The following KNG1 variants were observed in gnomAD, a reference collection of about 807,000 sequenced individuals.
KNG1 encodes the protein kininogen 1.
In KNG1, 23 loss-of-function variants were observed where a neutral mutation model predicts 47.8. The ratio of observed to expected loss-of-function variants is 0.48; its 90% confidence interval spans 0.35 to 0.68. KNG1 has a LOEUF of 0.68. KNG1 is among the 30% of genes least tolerant of loss of function. KNG1 has a pLI of 0.01. For synonymous variants in KNG1, 277 were observed against 277.0 expected (o/e 1.00, Z 0.00); for missense variants, 762 against 790.2 (o/e 0.96, Z 0.43).
chr3:186,736,275 G>A (rs908572629), intron 7 of KNG1: 1 of 152,102 alleles, frequency 6.6e-6, no homozygotes, highest in Non-Finnish European at 1.5e-5. Flanking sequence ...AGTCACCCAA[G>A]GCAGCCTTGA....
chr3:186,722,161 G>T, intron 2 of KNG1: 7 of 233,814 alleles, frequency 3.0e-5, no homozygotes, highest in Non-Finnish European at 4.8e-5. Flanking sequence ...AAAGAAAAAA[G>T]AAATACCCTC....
At chr3:186,720,853 G>A (rs556141599) in intron 2 of KNG1, among the ~76,000 whole-genome samples, 4 of 143,466 alleles carry the variant, frequency 2.8e-5, no homozygotes, top group South Asian at 4.6e-4. Context: ...GCAGTGGCGC[G>A]ATCTCGGCTC....
rs76438938 is a variant in KNG1, at chr3:186,743,735, C to A, written c.*1404C>A. Reference sequence around the variant, plus strand: ...CCTAAGGTCCTGCGAGTACAAGGGTCGACCCCCAAAGGCAGGGGCAGAGCC... The same window carrying A: ...CCTAAGGTCCTGCGAGTACAAGGGTAGACCCCCAAAGGCAGGGGCAGAGCC... On this transcript the variant is annotated 3_prime_UTR_variant, in exon 10 of 10. Coordinates refer to ENST00000644859, the MANE Select transcript of KNG1 (RefSeq NM_001102416.3). The A allele has an allele frequency of 1.9e-6, 3 of 1,613,778 alleles. No individual in the cohort carries two copies. The highest frequency in any genetic ancestry group is 2.7e-5 in the African/African-American group (2 of 74,910).
chr3:186,733,585 T>A (rs1720596525), intron 7 of KNG1, among the ~76,000 whole-genome samples: 1 of 152,158 alleles, frequency 6.6e-6, no homozygotes, highest in Non-Finnish European at 1.5e-5. Context: ...CCATAGCATC[T>A]GCCGCTCACA....
At chr3:186,736,105 A>C (rs1720665056) in intron 7 of KNG1, 1 of 152,360 alleles carries the variant, frequency 6.6e-6, no homozygotes, top group Non-Finnish European at 1.5e-5. Flanking sequence ...TCTAGTATGC[A>C]TATGTGTCTA....
intron 4 of KNG1, 38 bp from the exon 5 acceptor site, chr3:186,727,198 TA>T: frequency 5.1e-6 from 7 of 1,375,048 alleles, no homozygotes; most frequent in Non-Finnish European, 7.3e-6. Context: ...GAATAATGTT[TA>T]AACTGCCCTT....
chr3:186,720,467 G>A (rs930499514), intron 2 of KNG1: 14 of 500,722 alleles, frequency 2.8e-5, no homozygotes, highest in African/African-American at 2.5e-4. Flanking sequence ...GCCAGAACAT[G>A]TGGCTCAGAC....
chr3:186,720,650 G>A (rs569243402), intron 2 of KNG1: 1 of 240,068 alleles, frequency 4.2e-6, no homozygotes, highest in Admixed American at 5.1e-5. Flanking sequence ...CTGTATATGG[G>A]AGATAATATT....
chr3:186,741,548 T>A lies in KNG1; in HGVS notation c.1152T>A (p.Gly384=). The A allele has an allele frequency of 6.2e-7, 1 of 1,610,066 alleles. No homozygotes were observed. Among genetic ancestry groups the A allele is most frequent in the Non-Finnish European group, 8.5e-7 (1 of 1,179,006 alleles). ...TCTCACTGATGAAAAGGCCTCCAGGTTTTTCACCTTTCCGATCATCACGAA... is the reference window on the plus strand; with the variant it reads ...TCTCACTGATGAAAAGGCCTCCAGGATTTTCACCTTTCCGATCATCACGAA... ...GMISLMKRPP[G]FSPFRSSRIG... Residue 384 remains glycine, a synonymous_variant, in exon 10 of 10, where the codon GGT becomes GGA. Transcript: ENST00000644859.
Position 186,741,591 on chromosome 3 carries a change from G to T in KNG1, c.1195G>T (p.Glu399Ter). Reference sequence around the variant, plus strand: ...ATCACGAATAGGGGAAATAAAAGAAGAAACAACTGTAAGTCCACCCCACAC... The same window carrying T: ...ATCACGAATAGGGGAAATAAAAGAATAAACAACTGTAAGTCCACCCCACAC... The part of the protein sequence containing the change: ...RSSRIGEIKE[E>*]TTVSPPHTSM... The change falls in exon 10 of 10, where the codon GAA becomes TAA. Residue 399 changes from glutamate to a stop codon, truncating the protein, a stop_gained. Coordinates refer to ENST00000644859, the MANE Select transcript of KNG1 (RefSeq NM_001102416.3). LOFTEE classifies it low-confidence loss of function (END_TRUNC). 1 of 1,609,784 alleles carries T rather than the reference G, an allele frequency of 6.2e-7. No homozygotes were observed. Among genetic ancestry groups the T allele is most frequent in the South Asian group, 1.1e-5 (1 of 90,364 alleles).
At position 186,743,458 on chromosome 3, in the gene KNG1, T is replaced by C; in HGVS notation, c.*1127T>C. On this transcript the variant is annotated 3_prime_UTR_variant, in exon 10 of 10. Transcript: ENST00000644859. The stretch of plus-strand genomic sequence containing the variant: ...TGCTTTATAACCAATGTTGTACTTT[T>C]GCCTAGAAAAACAAGATATGGCTTT... 1 of 508,648 alleles carries C rather than the reference T, an allele frequency of 2.0e-6. No homozygotes were observed. Among genetic ancestry groups the C allele is most frequent in the Non-Finnish European group, 3.6e-6 (1 of 280,278 alleles). The allele number at this position is 508,648 out of a possible 1,614,324, so 31.5% of individuals were successfully genotyped here.
chr3:186,719,511 C>G (rs5029977), intron 1 of KNG1, among the ~76,000 whole-genome samples: 2 of 151,644 alleles, frequency 1.3e-5, no homozygotes, highest in African/African-American at 4.8e-5. Context: ...GAGGCCAAGG[C>G]GGGGGGATCA....
Position 186,743,639 on chromosome 3 carries a change from T to C in KNG1, c.*1308T>C. ...GAAAAAGTCTTACCTTGTCAACTGG[T>C]TGCTCCACTTTTTAAAAATGATTGA... On this transcript the variant is annotated 3_prime_UTR_variant, in exon 10 of 10. Coordinates refer to ENST00000644859, the MANE Select transcript of KNG1 (RefSeq NM_001102416.3). 8.4e-7 allele frequency: 1 copy of C among 1,183,706 alleles called. No individual in the cohort carries two copies. The highest frequency in any genetic ancestry group is 1.2e-5 in the South Asian group (1 of 80,442). 73.3% of individuals were successfully genotyped at this position (1,183,706 alleles called of 1,614,324 possible).
rs902810376 is a variant in KNG1, at chr3:186,741,914, T to A, written c.1518T>A (p.His506Gln). ...KHKHGHGHGK[H>Q]KNKGKKNGKH... ...AGCATGGTCATGGCCACGGAAAACA[T>A]AAAAATAAAGGCAAAAAGAATGGAA... is the stretch of plus-strand genomic sequence containing the variant. The change falls in exon 10 of 10, where the codon CAT (histidine) becomes CAA (glutamine). Residue 506 changes from histidine to glutamine, a missense_variant. His to Gln is a conservative substitution (Grantham distance 24, BLOSUM62 0). Coordinates refer to ENST00000644859, the MANE Select transcript of KNG1 (RefSeq NM_001102416.3). 6.2e-7 allele frequency: 1 copy of A among 1,613,832 alleles called. No individual in the cohort carries two copies.
At chr3:186,720,841 G>A (rs1181308157) in intron 2 of KNG1, among the ~76,000 whole-genome samples, 4 of 137,542 alleles carry the variant, frequency 2.9e-5, no homozygotes, top group African/African-American at 1.1e-4. Flanking sequence ...TCAGGCTGGA[G>A]TGCAGTGGCG....
intron 5 of KNG1, among the ~76,000 whole-genome samples, chr3:186,730,655 C>CAAAAAAA (rs869232105): frequency 7.5e-5 from 6 of 80,118 alleles, no homozygotes; most frequent in Admixed American, 2.0e-4. Context: ...GACTCCATCA[C>CAAAAAAA]AAAAAAAAAA....
Position 186,743,262 on chromosome 3 carries a change from G to A in KNG1, c.*931G>A, listed in dbSNP as rs1720860339. The A allele has an allele frequency of 5.5e-6, 1 of 181,664 alleles. No individual in the cohort carries two copies. The highest frequency in any genetic ancestry group is 1.2e-5 in the Non-Finnish European group (1 of 85,536). The allele number at this position is 181,664 out of a possible 1,614,324, so 11.3% of individuals were successfully genotyped here. A position where few individuals can be genotyped will look rare whatever the true frequency, so the allele number is the denominator to read the frequency against. On this transcript the variant is annotated 3_prime_UTR_variant, in exon 10 of 10. Transcript: ENST00000644859. ...TGCTAATAAAACTTTTTAAATAATT[G>A]ACAAGGGAATATTATGGAATGTGAT...
intron 9 of KNG1, among the ~76,000 whole-genome samples, chr3:186,740,648 T>C (rs1484891774): frequency 2.6e-5 from 4 of 152,238 alleles, no homozygotes; most frequent in Non-Finnish European, 5.9e-5. Context: ...TCTTTTGTCA[T>C]GTGTAGGTAT....
chr3:186,720,322 T>A (rs1186963267), intron 2 of KNG1, 107 bp downstream of exon 2: 2 of 751,686 alleles, frequency 2.7e-6, no homozygotes, highest in Non-Finnish European at 4.8e-6. Context: ...TTATGAGAAA[T>A]GCAAATAAAC....
Sources: allele counts gnomAD v4.1 joint callset (sites outside exome capture counted in the v4.1 genomes callset), GRCh38; gene constraint gnomAD v4.1.1; transcripts MANE v1.5; gene names NCBI Gene and HGNC (gene_info 2026-07-23, HGNC 2026-07-21).